CWC15: variants seen among roughly 807,000 people sequenced by gnomAD.
CWC15 encodes CWC15 spliceosome associated protein, also known as spliceosome-associated protein CWC15 homolog.
In CWC15, 12 loss-of-function variants were observed where a neutral mutation model predicts 28.4. The observed-to-expected ratio is 0.42, with a 90% CI of 0.27 to 0.69. CWC15 has a LOEUF of 0.69. CWC15 is among the 30% of genes least tolerant of loss of function. The probability of loss-of-function intolerance (pLI) is 0.23; values close to 1 mark genes in which losing one functional copy is unlikely to be tolerated. For missense variants in CWC15, 192 were observed against 271.5 expected (o/e 0.71, Z 2.06); for synonymous variants, 92 against 88.4 (o/e 1.04, Z -0.23).
intron 3 of CWC15, 104 bp downstream of exon 3, chr11:94,971,271 A>G (rs1390237897): frequency 9.6e-7 from 1 of 1,039,652 alleles, no homozygotes; most frequent in Non-Finnish European, 1.5e-6. Context: ...GCTCACATCA[A>G]TCTGTAAAAG....
intron 1 of CWC15, chr11:94,973,155 A>C (rs1377918290): frequency 2.0e-5 from 3 of 152,264 alleles, no homozygotes; most frequent in Admixed American, 1.3e-4. Flanking sequence ...CTTCCCACAC[A>C]CCCACGGAAT....
chr11:94,963,409 C>A lies in CWC15; in HGVS notation c.666G>T (p.Lys222Asn). The change falls in exon 7 of 7, where the codon AAG becomes AAT. Residue 222 changes from lysine to asparagine, a missense_variant. Lys to Asn is a moderately conservative substitution (Grantham distance 94, BLOSUM62 0). This residue lies in a region of CWC15 where 188 missense variants were observed against 250.3 expected (regional missense o/e 0.75). Coordinates refer to ENST00000279839, the MANE Select transcript of CWC15 (RefSeq NM_016403.4). ...NDTLRSEFHK[K>N]FMEKYIK The stretch of plus-strand genomic sequence containing the variant: ...ACTATTTAATATATTTCTCCATGAA[C>A]TTTTTGTGAAATTCAGATCGCAGTG... 1 of 1,581,794 alleles carries A rather than the reference C, an allele frequency of 6.3e-7. No individual in the cohort carries two copies. Among genetic ancestry groups the A allele is most frequent in the Non-Finnish European group, 8.6e-7 (1 of 1,161,650 alleles).
At position 94,970,788 on chromosome 11, in the gene CWC15, A is replaced by G. The variant is rs587761097; in HGVS notation, c.333+189T>C. On this transcript the variant is annotated intron_variant, in intron 4 of 6. Coordinates refer to ENST00000279839, the MANE Select transcript of CWC15 (RefSeq NM_016403.4). ...TTCTCTAGAGATCAAACTTGTTCTTAAAGTCCCACAAAATAATACTTTTGA... is the reference window on the plus strand; with the variant it reads ...TTCTCTAGAGATCAAACTTGTTCTTGAAGTCCCACAAAATAATACTTTTGA... The G allele has an allele frequency of 2.1e-5, 12 of 579,540 alleles. No individual in the cohort carries two copies. In the East Asian group the frequency reaches 2.4e-4, roughly 11 times the overall value. 35.9% of individuals were successfully genotyped at this position (579,540 alleles called of 1,614,324 possible).
chr11:94,971,097 A>G, intron 3 of CWC15, 32 bp from the exon 4 acceptor site: 1 of 1,547,854 alleles, frequency 6.5e-7, no homozygotes. Flanking sequence ...TTAACTTAGT[A>G]AAACAAATAC....
intron 1 of CWC15, 194 bp downstream of exon 1, chr11:94,973,302 TGC>T (rs1555096542): frequency 2.4e-4 from 6 of 25,236 alleles, no homozygotes; most frequent in African/African-American, 7.7e-4. Flanking sequence ...GTAGGCGAGC[TGC>T]CTGTACGCTG....
intron 3 of CWC15, 59 bp from the exon 4 acceptor site, chr11:94,971,124 T>A: frequency 6.8e-7 from 1 of 1,463,342 alleles, no homozygotes; most frequent in South Asian, 1.1e-5. Context: ...TCTTAAAATG[T>A]TTTAGGGACC....
rs1857712114 is a variant in CWC15 at position 94,971,020 on chromosome 11, T to C, written c.290A>G (p.Gln97Arg). Residue 97 changes from glutamine to arginine, a missense_variant, in exon 4 of 7, where the codon CAG (glutamine) becomes CGG (arginine). Gln to Arg is a conservative substitution (Grantham distance 43, BLOSUM62 1). Transcript: ENST00000279839. ...SSVSKKPRLD[Q>R]IPAANLDADD... ...TGCATCAAGGTTGGCGGCAGGAATCTGGTCTAACCGTGGCTTTTTTGACAC... is the reference window on the plus strand; with the variant it reads ...TGCATCAAGGTTGGCGGCAGGAATCCGGTCTAACCGTGGCTTTTTTGACAC... 1 of 1,613,762 alleles carries C rather than the reference T, an allele frequency of 6.2e-7. No homozygotes were observed. Among genetic ancestry groups the C allele is most frequent in the Admixed American group, 1.7e-5 (1 of 59,994 alleles).
intron 2 of CWC15, among the ~76,000 whole-genome samples, chr11:94,971,813 G>A (rs1189501673): frequency 6.6e-6 from 1 of 152,114 alleles, no homozygotes; most frequent in East Asian, 1.9e-4. Flanking sequence ...TGCTCATAGT[G>A]CATACTCTGA....
At chr11:94,966,703 ATT>A (rs1167020471) in intron 5 of CWC15, among the ~76,000 whole-genome samples, 11 of 152,204 alleles carry the variant, frequency 7.2e-5, no homozygotes, top group African/African-American at 2.4e-4. Flanking sequence ...ATTTAAATCT[ATT>A]TTCTTTCTTG....
intron 1 of CWC15, 200 bp downstream of exon 1, chr11:94,973,298 G>T (rs1218838215): frequency 1.2e-4 from 3 of 24,654 alleles, no homozygotes; most frequent in South Asian, 1.6e-3. Context: ...CGCAGTAGGC[G>T]AGCTGCCTGT....
chr11:94,966,542 A>AG, intron 5 of CWC15, 129 bp from the exon 6 acceptor site: 1 of 406,450 alleles, frequency 2.5e-6, no homozygotes, highest in Non-Finnish European at 4.2e-6. Context: ...GCATCAAGGC[A>AG]GGCTTTTTTT....
At chr11:94,971,915 T>C (rs1427762893) in intron 2 of CWC15, 140 bp downstream of exon 2, 3 of 779,770 alleles carry the variant, frequency 3.8e-6, no homozygotes, top group African/African-American at 3.4e-5. Context: ...AGCAGAATTT[T>C]AGTGTTAAAC....
At position 94,963,481 on chromosome 11, in the gene CWC15, T is replaced by C. The variant is rs1555094728; in HGVS notation, c.594A>G (p.Ala198=). Residue 198 remains alanine (A), a synonymous_variant, in exon 7 of 7, where the codon GCA becomes GCG. Transcript: ENST00000279839. ...WDDDVVFKNC[A]KGVDDQKKDK... ...CTTTCTTCTGGTCATCTACACCTTT[T>C]GCACAGTTCTTGAAGACAACGTCAT... The C allele has an allele frequency of 6.3e-7, 1 of 1,581,168 alleles. No homozygotes were observed. Among genetic ancestry groups the C allele is most frequent in the African/African-American group, 1.3e-5 (1 of 74,594 alleles).
At chr11:94,972,354 C>G (rs1857734161) in intron 1 of CWC15, among the ~76,000 whole-genome samples, 161 bp from the exon 2 acceptor site, 1 of 152,156 alleles carries the variant, frequency 6.6e-6, no homozygotes, top group African/African-American at 2.4e-5. Flanking sequence ...AATTATGAGG[C>G]TTAGGCTGTA....
intron 4 of CWC15, 147 bp downstream of exon 4, chr11:94,970,830 A>G (rs954812100): frequency 3.7e-5 from 25 of 675,268 alleles, no homozygotes; most frequent in South Asian, 7.4e-5. Context: ...AATCAACTAT[A>G]AAGTTTAGCA....
At chr11:94,971,196 T>C in intron 3 of CWC15, 131 bp from the exon 4 acceptor site, 1 of 1,009,962 alleles carries the variant, frequency 9.9e-7, no homozygotes, top group Admixed American at 1.9e-5. Context: ...CCACAGTGCC[T>C]GGGCAAATAA....
intron 4 of CWC15, 164 bp from the exon 5 acceptor site, chr11:94,970,260 C>A: frequency 2.4e-6 from 1 of 412,828 alleles, no homozygotes; most frequent in Admixed American, 4.3e-5. Context: ...AAAAAGTGTG[C>A]TAAATTCTCA....
chr11:94,963,411 T>G lies in CWC15; in HGVS notation c.664A>C (p.Lys222Gln). 1 of 1,582,300 alleles carries G rather than the reference T, an allele frequency of 6.3e-7. No individual in the cohort carries two copies. The highest frequency in any genetic ancestry group is 8.6e-7 in the Non-Finnish European group (1 of 1,161,884). ...NDTLRSEFHK[K>Q]FMEKYIK is the part of the protein sequence containing the mutation. ...TATTTAATATATTTCTCCATGAACT[T>G]TTTGTGAAATTCAGATCGCAGTGTG... The change falls in exon 7 of 7, where the codon AAG (lysine) becomes CAG (glutamine). Residue 222 changes from lysine to glutamine, a missense_variant. Coordinates refer to ENST00000279839, the MANE Select transcript of CWC15 (RefSeq NM_016403.4).
At chr11:94,966,657 TTA>T (rs1405284756) in intron 5 of CWC15, among the ~76,000 whole-genome samples, 4 of 151,762 alleles carry the variant, frequency 2.6e-5, no homozygotes, top group African/African-American at 9.7e-5. Flanking sequence ...CATACAGTAA[TTA>T]GTCTCTTCCA....
Sources: allele counts gnomAD v4.1 joint callset (sites outside exome capture counted in the v4.1 genomes callset), GRCh38; gene constraint gnomAD v4.1.1; regional missense constraint gnomAD v4.1.1; transcripts MANE v1.5; gene names NCBI Gene and HGNC (gene_info 2026-07-23, HGNC 2026-07-21).